The following SGCD variants were observed in gnomAD, a reference collection of about 807,000 sequenced individuals.
The protein encoded by SGCD is sarcoglycan delta, also known as delta-sarcoglycan.
Under a neutral mutation model 36.6 loss-of-function variants are expected in SGCD, and 18 were observed. That is an observed-to-expected ratio of 0.49 (90% CI 0.34 to 0.73). The LOEUF is 0.73. Among genes scored for constraint, SGCD ranks in the 30% least tolerant of loss-of-function variants. The pLI, the probability that SGCD is intolerant of heterozygous loss-of-function variation, is 0.01. For synonymous variants in SGCD, 133 were observed against 130.6 expected (o/e 1.02, Z -0.12); for missense variants, 387 against 346.7 (o/e 1.12, Z -0.92).
chr5:156,472,193 TG>T (rs1561717714), intron 3 of SGCD, among the ~76,000 whole-genome samples: 2 of 152,184 alleles, frequency 1.3e-5, no homozygotes, highest in Non-Finnish European at 2.9e-5. Context: ...GAGAATTGTT[TG>T]GAATTTTCTT....
the SGCD span, among the ~76,000 whole-genome samples, chr5:155,787,749 G>A: frequency 3.9e-5 from 6 of 151,908 alleles, no homozygotes; most frequent in Admixed American, 1.3e-4. Flanking sequence ...ACATGGCACC[G>A]GAACACCCAT....
At chr5:156,457,902 T>C (rs1190455742) in intron 3 of SGCD, among the ~76,000 whole-genome samples, 3 of 152,118 alleles carry the variant, frequency 2.0e-5, no homozygotes, top group African/African-American at 7.2e-5. Flanking sequence ...GTCCAGGCCT[T>C]TCTATAACCT....
At position 155,967,740 on chromosome 5, in the gene SGCD, A is replaced by G. The variant is rs146319726; in HGVS notation, c.-282+97316A>G. Reference sequence around the variant, plus strand: ...TCAGTAATGACTTCTGAGGCAGCCAAGAGTGAATGGACGATTTGCTTTCAC... The same window carrying G: ...TCAGTAATGACTTCTGAGGCAGCCAGGAGTGAATGGACGATTTGCTTTCAC... On this transcript the variant is annotated intron_variant, in intron 1 of 9. Transcript: ENST00000517913. 3.3e-5 allele frequency among the ~76,000 whole-genome samples: 5 copies of G among 152,196 alleles called. No individual in the cohort carries two copies. The East Asian group carries it at 9.7e-4, about 30-fold the overall frequency.
intron 3 of SGCD, among the ~76,000 whole-genome samples, chr5:156,232,853 GT>G (rs1252989625): frequency 6.6e-6 from 1 of 152,138 alleles, no homozygotes; most frequent in Non-Finnish European, 1.5e-5. Context: ...CTTCCCCAGT[GT>G]TTTAACTTTC....
At position 156,423,120 on chromosome 5, in the gene SGCD, TATTA is replaced by T. The variant is rs1451243550; in HGVS notation, c.192+78454_192+78457del. 2.7e-3 allele frequency among the ~76,000 whole-genome samples: 356 copies of T among 131,422 alleles called. 1 individual carries two copies. Among genetic ancestry groups the T allele is most frequent in the African/African-American group, 7.9e-3 (275 of 34,664 alleles). 86.2% of individuals were successfully genotyped at this position (131,422 alleles called of 152,430 possible). A position where few individuals can be genotyped will look rare whatever the true frequency, so the allele number is the denominator to read the frequency against. On this transcript the variant is annotated intron_variant, in intron 3 of 8. Coordinates refer to ENST00000337851, the MANE Select transcript of SGCD (RefSeq NM_000337.6). ...CATTAGAAACAACTGAAAAAGGAAA[TATTA>T]ATTAATTAATAATTAATATTTAATT...
intron 3 of SGCD, among the ~76,000 whole-genome samples, chr5:156,260,835 T>C (rs1220133054): frequency 6.6e-6 from 1 of 152,166 alleles, no homozygotes; most frequent in Non-Finnish European, 1.5e-5. Flanking sequence ...ATGTATTTTA[T>C]CAAGAGGAAA....
At chr5:156,190,819 G>A (rs1032192288) in intron 3 of SGCD, among the ~76,000 whole-genome samples, 3 of 152,012 alleles carry the variant, frequency 2.0e-5, no homozygotes, top group Non-Finnish European at 2.9e-5. Context: ...ATTTTCTTCT[G>A]CACCATCTAA....
At chr5:156,068,578 T>A (rs1404510702) in intron 1 of SGCD, among the ~76,000 whole-genome samples, 3 of 151,864 alleles carry the variant, frequency 2.0e-5, no homozygotes, top group African/African-American at 4.9e-5. Flanking sequence ...TGCCGCAGTA[T>A]ACATATGTGT....
intron 3 of SGCD, among the ~76,000 whole-genome samples, chr5:156,427,277 T>G (rs1426489424): frequency 6.6e-6 from 1 of 152,146 alleles, no homozygotes; most frequent in Non-Finnish European, 1.5e-5. Context: ...TTAAGTATAT[T>G]CCTAAGTATT....
intron 3 of SGCD, among the ~76,000 whole-genome samples, chr5:156,310,281 T>A (rs1160237929): frequency 6.6e-6 from 1 of 152,196 alleles, no homozygotes; most frequent in Admixed American, 6.5e-5. Context: ...CCCTTGGAAG[T>A]CACTTTTGTC....
intron 6 of SGCD, among the ~76,000 whole-genome samples, chr5:156,646,904 T>C (rs1332343619): frequency 6.6e-6 from 1 of 152,188 alleles, no homozygotes; most frequent in Non-Finnish European, 1.5e-5. Context: ...ATACTCAAAG[T>C]GTAAAAGCTC....
chr5:156,427,668 T>C (rs957613460), intron 3 of SGCD, among the ~76,000 whole-genome samples: 2 of 152,144 alleles, frequency 1.3e-5, no homozygotes, highest in African/African-American at 4.8e-5. Flanking sequence ...ATGTTGGCTG[T>C]GGGTTTGTCA....
At chr5:156,079,865 G>A (rs1011125971) in intron 1 of SGCD, among the ~76,000 whole-genome samples, 1 of 152,222 alleles carries the variant, frequency 6.6e-6, no homozygotes, top group African/African-American at 2.4e-5. Context: ...TTTGGAATAT[G>A]GAGGACCGTG....
intron 3 of SGCD, among the ~76,000 whole-genome samples, chr5:156,185,166 T>G (rs1763704144): frequency 6.6e-6 from 1 of 151,882 alleles, no homozygotes; most frequent in Admixed American, 6.6e-5. Flanking sequence ...GGCAGTAAAA[T>G]GACTGGCTTT....
intron 1 of SGCD, among the ~76,000 whole-genome samples, chr5:156,114,122 G>T (rs538798748): frequency 6.6e-6 from 1 of 152,076 alleles, no homozygotes; most frequent in Non-Finnish European, 1.5e-5. Flanking sequence ...ACAACACCAA[G>T]AATGAACCCT....
the SGCD span, among the ~76,000 whole-genome samples, chr5:155,729,128 C>T: frequency 6.6e-6 from 1 of 152,236 alleles, no homozygotes; most frequent in Non-Finnish European, 1.5e-5. Flanking sequence ...TCCTCCAACT[C>T]GATTGCCGCG....
At chr5:156,455,541 T>C (rs1025927290) in intron 3 of SGCD, among the ~76,000 whole-genome samples, 21 of 152,000 alleles carry the variant, frequency 1.4e-4, no homozygotes, top group Non-Finnish European at 2.9e-5. Context: ...GTCCATAACA[T>C]GACAGGGGCA....
chr5:155,948,569 C>T (rs767547128), intron 1 of SGCD, among the ~76,000 whole-genome samples: 1 of 152,122 alleles, frequency 6.6e-6, no homozygotes, highest in East Asian at 1.9e-4. Context: ...AAAATCAAAC[C>T]AGCTTGGTGC....
chr5:156,114,145 G>A (rs544786866), intron 1 of SGCD, among the ~76,000 whole-genome samples: 38 of 152,158 alleles, frequency 2.5e-4, no homozygotes, highest in Middle Eastern at 3.4e-3. Context: ...TGTAAATTAT[G>A]GGTTTTGAGG....
Sources: allele counts gnomAD v4.1 joint callset (sites outside exome capture counted in the v4.1 genomes callset), GRCh38; gene constraint gnomAD v4.1.1; transcripts MANE v1.5; gene names NCBI Gene and HGNC (gene_info 2026-07-23, HGNC 2026-07-21).